SLC4A5: variants seen among roughly 807,000 people sequenced by gnomAD.
SLC4A5 encodes the protein solute carrier family 4 member 5.
In SLC4A5, 96 loss-of-function variants were observed where a neutral mutation model predicts 120.4. The observed-to-expected ratio is 0.80, with a 90% CI of 0.68 to 0.94. SLC4A5 has a LOEUF of 0.94. Ranked by LOEUF, SLC4A5 falls within the 40% of genes least tolerant of loss-of-function variation. The pLI is 0.00. For synonymous variants in SLC4A5, 550 were observed against 571.1 expected (o/e 0.96, Z 0.53); for missense variants, 1,259 against 1,459.5 (o/e 0.86, Z 2.24).
chr2:74,273,409 G>C (rs888039311), intron 8 of SLC4A5, among the ~76,000 whole-genome samples: 20 of 152,150 alleles, frequency 1.3e-4, no homozygotes, highest in Non-Finnish European at 2.1e-4. Context: ...AATTACATTT[G>C]TGTGAATTTG....
chr2:74,222,356 C>T (rs1043664251), intron 29 of SLC4A5, among the ~76,000 whole-genome samples: 10 of 152,278 alleles, frequency 6.6e-5, no homozygotes, highest in Middle Eastern at 3.4e-3. Flanking sequence ...GTCGAGTCTG[C>T]AGGCTTTGCT....
At chr2:74,269,775 C>T (rs1433265836) in intron 8 of SLC4A5, among the ~76,000 whole-genome samples, 1 of 152,190 alleles carries the variant, frequency 6.6e-6, no homozygotes, top group Non-Finnish European at 1.5e-5. Flanking sequence ...TCACAAACAT[C>T]CTAGGCCAGA....
chr2:74,253,685 A>C (rs1670867247), intron 14 of SLC4A5, among the ~76,000 whole-genome samples: 1 of 152,198 alleles, frequency 6.6e-6, no homozygotes, highest in Non-Finnish European at 1.5e-5. Context: ...AGCAAATCTG[A>C]CTGATTTTCA....
intron 4 of SLC4A5, among the ~76,000 whole-genome samples, chr2:74,329,024 C>A (rs1253195061): frequency 6.6e-6 from 1 of 152,052 alleles, no homozygotes; most frequent in Non-Finnish European, 1.5e-5. Context: ...TACAGCCATG[C>A]AGGTAGGCTC....
chr2:74,259,881 C>T (rs1310847586), intron 11 of SLC4A5, among the ~76,000 whole-genome samples: 1 of 152,164 alleles, frequency 6.6e-6, no homozygotes, highest in African/African-American at 2.4e-5. Flanking sequence ...CTCAATCTAC[C>T]ACACTCTAGT....
At position 74,341,903 on chromosome 2, in the gene SLC4A5, T is replaced by C. The variant is rs991209415; in HGVS notation, c.-270+555A>G. 2.0e-5 allele frequency among the ~76,000 whole-genome samples: 3 copies of C among 152,222 alleles called. No individual in the cohort carries two copies. In the South Asian group the frequency reaches 6.2e-4, roughly 32 times the overall value. The stretch of plus-strand genomic sequence containing the variant: ...GCCCAACCCAGCTTATGTCCTGTGA[T>C]ACCAGAAGGGAGCATTGCAATGACC... On this transcript the variant is annotated intron_variant, in intron 2 of 30. Coordinates refer to ENST00000394019, the Ensembl canonical transcript of SLC4A5.
intron 7 of SLC4A5, among the ~76,000 whole-genome samples, chr2:74,288,312 C>T (rs1157340180): frequency 2.0e-5 from 3 of 152,064 alleles, no homozygotes; most frequent in Non-Finnish European, 4.4e-5. Context: ...ACTGGTGTCC[C>T]GTTAATCTCA....
Position 74,222,970 on chromosome 2 carries a change from G to A in SLC4A5, c.3247-18C>T, listed in dbSNP as rs377272391. 6.4e-7 allele frequency: 1 copy of A among 1,557,502 alleles called. No homozygotes were observed. Among genetic ancestry groups the A allele is most frequent in the South Asian group, 1.2e-5 (1 of 85,576 alleles). ...AACTGGGGCTGGAGAAAAACAGTGGGAAAAGAGGATAAACACCAACACAAC... is the reference window on the plus strand; with the variant it reads ...AACTGGGGCTGGAGAAAAACAGTGGAAAAAGAGGATAAACACCAACACAAC... On this transcript the variant is annotated intron_variant, in intron 28 of 30. Coordinates refer to ENST00000394019, the Ensembl canonical transcript of SLC4A5.
intron 7 of SLC4A5, 116 bp from the exon 8 acceptor site, chr2:74,286,018 A>G: frequency 2.4e-6 from 3 of 1,254,624 alleles, no homozygotes; most frequent in Non-Finnish European, 2.1e-6. Context: ...CTAATTCTGT[A>G]AAACTAAGTC....
At chr2:74,316,504 G>A (rs1273062631) in intron 5 of SLC4A5, among the ~76,000 whole-genome samples, 4 of 152,102 alleles carry the variant, frequency 2.6e-5, no homozygotes, top group African/African-American at 9.7e-5. Flanking sequence ...CCCTTTTGCA[G>A]TGTAGACATA....
At chr2:74,219,362 C>T (rs1202428498) in intron 30 of SLC4A5, among the ~76,000 whole-genome samples, 1 of 152,152 alleles carries the variant, frequency 6.6e-6, no homozygotes. Context: ...TCCCTGTGTA[C>T]TCCGATATTC....
chr2:74,263,278 T>C (rs1341710051), intron 10 of SLC4A5, among the ~76,000 whole-genome samples: 1 of 152,076 alleles, frequency 6.6e-6, no homozygotes, highest in East Asian at 1.9e-4. Flanking sequence ...AGAGATGGGG[T>C]TTATGCCATG....
At chr2:74,234,856 T>C (rs1573010653) in intron 22 of SLC4A5, among the ~76,000 whole-genome samples, 1 of 152,080 alleles carries the variant, frequency 6.6e-6, no homozygotes, top group African/African-American at 2.4e-5. Flanking sequence ...GGTTGGAGGG[T>C]GAATTCCAGT....
At chr2:74,248,469 G>A in exon 18 of SLC4A5, 1 of 1,614,134 alleles carries the variant, frequency 6.2e-7, no homozygotes, top group East Asian at 2.2e-5. Flanking sequence ...CAGTGCCCAG[G>A]AAGCTCTCCA....
intron 28 of SLC4A5, among the ~76,000 whole-genome samples, chr2:74,223,204 C>T (rs1422247365): frequency 6.6e-6 from 1 of 152,064 alleles, no homozygotes; most frequent in Non-Finnish European, 1.5e-5. Context: ...TGGGGTTTCA[C>T]CATGCTGGCC....
At chr2:74,254,811 G>A in intron 13 of SLC4A5, 105 bp from the exon 14 acceptor site, 2 of 796,248 alleles carry the variant, frequency 2.5e-6, no homozygotes, top group East Asian at 5.2e-5. Context: ...GCCCTGAACA[G>A]TATGCATTTT....
intron 12 of SLC4A5, among the ~76,000 whole-genome samples, chr2:74,258,302 C>G (rs747394356): frequency 6.6e-6 from 1 of 152,192 alleles, no homozygotes; most frequent in Non-Finnish European, 1.5e-5. Context: ...CTGCAAATAC[C>G]GAGAAGCAGC....
rs1672474031 is a variant in SLC4A5, at chr2:74,301,444, C to A, written c.271+3045G>T. ...GCCCCTCATACTCTGCAGGATGCCC[C>A]TGTTCTCTGAAGTGGGAGTTCCTGC... On this transcript the variant is annotated intron_variant, in intron 7 of 30. Coordinates refer to ENST00000394019, the Ensembl canonical transcript of SLC4A5. 2.0e-5 allele frequency among the ~76,000 whole-genome samples: 3 copies of A among 152,332 alleles called. No homozygotes were observed. The South Asian group carries it at 6.2e-4, about 32-fold the overall frequency.
chr2:74,307,453 C>G, intron 6 of SLC4A5: 1 of 628,702 alleles, frequency 1.6e-6, no homozygotes, highest in Non-Finnish European at 3.0e-6. Context: ...TCATCAATGA[C>G]CTTGTGGAGC....
Sources: allele counts gnomAD v4.1 joint callset (sites outside exome capture counted in the v4.1 genomes callset), GRCh38; gene constraint gnomAD v4.1.1; transcripts MANE v1.5; gene names NCBI Gene and HGNC (gene_info 2026-07-23, HGNC 2026-07-21).